MSRA: variants seen among roughly 807,000 people sequenced by gnomAD.
MSRA encodes mitochondrial peptide methionine sulfoxide reductase.
MSRA carries 54 observed loss-of-function variants against 31.3 expected under a neutral mutation model. The observed-to-expected ratio is 1.73, with a 90% CI of 1.39 to 2.17. The LOEUF (loss-of-function observed/expected upper bound fraction) is 2.17, where lower values mean the gene tolerates loss of function less well. MSRA is among the 30% of genes most tolerant of loss of function. The pLI is 0.00. For missense variants in MSRA, 507 were observed against 300.9 expected, an observed-to-expected ratio of 1.69 and a Z score of -5.07; for synonymous variants, 169 against 116.5, an observed-to-expected ratio of 1.45 and a Z score of -2.90.
intron 2 of MSRA, 96 bp downstream of exon 2, chr8:10,207,997 G>A: frequency 2.2e-6 from 2 of 906,008 alleles, no homozygotes; most frequent in East Asian, 2.7e-5. Context: ...TTCAAAATCT[G>A]GGCTCTTCTA....
At chr8:10,159,357 G>T (rs1804443168) in intron 1 of MSRA, among the ~76,000 whole-genome samples, 1 of 152,180 alleles carries the variant, frequency 6.6e-6, no homozygotes, top group Non-Finnish European at 1.5e-5. Flanking sequence ...GAGGAGATCA[G>T]GAGTGGTCTC....
chr8:10,356,152 G>A (rs374854027), intron 5 of MSRA, among the ~76,000 whole-genome samples: 25 of 152,318 alleles, frequency 1.6e-4, no homozygotes, highest in African/African-American at 5.3e-4. Context: ...TGCTGGTAAC[G>A]GTAGTTGGCA....
At chr8:10,272,859 A>G (rs1799120781) in intron 3 of MSRA, among the ~76,000 whole-genome samples, 1 of 152,200 alleles carries the variant, frequency 6.6e-6, no homozygotes, top group African/African-American at 2.4e-5. Flanking sequence ...TCAAGTAAAT[A>G]TCTCTTAAGT....
chr8:10,269,376 TATGTC>T (rs1798910982), intron 3 of MSRA, among the ~76,000 whole-genome samples: 1 of 152,178 alleles, frequency 6.6e-6, no homozygotes, highest in African/African-American at 2.4e-5. Flanking sequence ...GAATCAGAAA[TATGTC>T]ATGATATATA....
At chr8:10,300,282 G>C (rs923806073) in intron 3 of MSRA, among the ~76,000 whole-genome samples, 1 of 151,800 alleles carries the variant, frequency 6.6e-6, no homozygotes, top group Admixed American at 6.6e-5. Flanking sequence ...TTGAGATGGA[G>C]TCTCACCCTG....
intron 1 of MSRA, among the ~76,000 whole-genome samples, chr8:10,191,299 C>T (rs1807482096): frequency 6.6e-6 from 1 of 152,136 alleles, no homozygotes; most frequent in African/African-American, 2.4e-5. Flanking sequence ...ACCAACTGAT[C>T]AACAAAACAA....
chr8:10,234,034 G>C (rs1428285322), intron 2 of MSRA, among the ~76,000 whole-genome samples: 1 of 152,122 alleles, frequency 6.6e-6, no homozygotes, highest in Non-Finnish European at 1.5e-5. Context: ...TCAAAGTATT[G>C]ATGAAATGTA....
intron 1 of MSRA, among the ~76,000 whole-genome samples, chr8:10,080,331 TC>T (rs1398143688): frequency 6.6e-6 from 1 of 151,728 alleles, no homozygotes; most frequent in African/African-American, 2.4e-5. Flanking sequence ...TTTTTTTTTT[TC>T]CTGAAATTTC....
At chr8:10,073,618 C>T (rs1215940777) in intron 1 of MSRA, among the ~76,000 whole-genome samples, 1 of 152,004 alleles carries the variant, frequency 6.6e-6, no homozygotes, top group Non-Finnish European at 1.5e-5. Context: ...CAAACTCTTA[C>T]TCCACACACT....
intron 1 of MSRA, among the ~76,000 whole-genome samples, chr8:10,086,198 T>C (rs1006851280): frequency 1.3e-5 from 2 of 152,226 alleles, no homozygotes; most frequent in South Asian, 4.1e-4. Flanking sequence ...CAACACTTGA[T>C]ATTGTCTGTC....
intron 5 of MSRA, among the ~76,000 whole-genome samples, chr8:10,426,257 C>G (rs576920844): frequency 3.3e-5 from 5 of 152,252 alleles, no homozygotes; most frequent in South Asian, 2.1e-4. Context: ...AGCTGGGGCC[C>G]GGTCATGGAA....
chr8:10,266,201 A>G (rs879314959), intron 3 of MSRA, among the ~76,000 whole-genome samples: 1 of 152,188 alleles, frequency 6.6e-6, no homozygotes, highest in African/African-American at 2.4e-5. Context: ...ACCATTTTAT[A>G]TTCCCATCAG....
At chr8:10,085,376 G>C (rs979494244) in intron 1 of MSRA, among the ~76,000 whole-genome samples, 1 of 152,096 alleles carries the variant, frequency 6.6e-6, no homozygotes, top group African/African-American at 2.4e-5. Flanking sequence ...AAACTTTGTC[G>C]TGCTCAAGAA....
chr8:10,424,647 G>C (rs906482818), intron 5 of MSRA, among the ~76,000 whole-genome samples: 4 of 151,608 alleles, frequency 2.6e-5, no homozygotes, highest in African/African-American at 9.7e-5. Flanking sequence ...GTCTGCGGCG[G>C]AGCTAAACTG....
chr8:10,309,792 T>G (rs1164697147), intron 4 of MSRA, among the ~76,000 whole-genome samples: 1 of 152,134 alleles, frequency 6.6e-6, no homozygotes, highest in Non-Finnish European at 1.5e-5. Flanking sequence ...TGGGCTTCCC[T>G]GCCAGACGTG....
intron 5 of MSRA, among the ~76,000 whole-genome samples, chr8:10,424,943 C>A (rs539859366): frequency 3.0e-4 from 46 of 152,316 alleles, no homozygotes; most frequent in South Asian, 2.7e-3. Flanking sequence ...GCGAAGCCCA[C>A]TGAAATCAAG....
At chr8:10,272,850 C>G (rs1057389161) in intron 3 of MSRA, among the ~76,000 whole-genome samples, 1 of 152,104 alleles carries the variant, frequency 6.6e-6, no homozygotes, top group African/African-American at 2.4e-5. Context: ...AAACAGGTAT[C>G]AAGTAAATAT....
chr8:10,336,162 A>T (rs184661507), intron 5 of MSRA, among the ~76,000 whole-genome samples: 142 of 152,312 alleles, frequency 9.3e-4, no homozygotes, highest in African/African-American at 3.3e-3. Flanking sequence ...TCAGGGGCTA[A>T]TGGTTGAGGA....
intron 5 of MSRA, among the ~76,000 whole-genome samples, chr8:10,409,037 A>C (rs972530808): frequency 3.9e-5 from 6 of 152,172 alleles, no homozygotes; most frequent in African/African-American, 1.4e-4. Flanking sequence ...ATCTGAGTGC[A>C]GGTGTCTTTT....
Sources: gnomAD v4.1 joint callset for allele counts (sites outside exome capture counted in the v4.1 genomes callset) on GRCh38, gnomAD v4.1.1 for gene constraint, MANE v1.5 for transcripts, NCBI Gene and HGNC (gene_info 2026-07-23, HGNC 2026-07-21) for gene names.